The following DOCK10 variants were observed in gnomAD, a reference collection of about 807,000 sequenced individuals.
The protein encoded by DOCK10 is dedicator of cytokinesis protein 10.
DOCK10 carries 145 observed loss-of-function variants against 280.1 expected under a neutral mutation model. The observed-to-expected ratio is 0.52, with a 90% CI of 0.45 to 0.59. The LOEUF is 0.59. Among genes scored for constraint, DOCK10 ranks in the 20% least tolerant of loss-of-function variants. The pLI, the probability that DOCK10 is intolerant of heterozygous loss-of-function variation, is 0.00. For synonymous variants in DOCK10, 915 were observed against 942.2 expected (o/e 0.97, Z 0.53); for missense variants, 2,368 against 2,651.7 (o/e 0.89, Z 2.35).
intron 2 of DOCK10, among the ~76,000 whole-genome samples, chr2:224,918,775 GT>G (rs1701489875): frequency 8.9e-6 from 1 of 111,952 alleles, no homozygotes; most frequent in African/African-American, 2.8e-5. Context: ...TTGAGTGCAT[GT>G]GTATGTGTAA....
At chr2:224,892,242 C>CA (rs1390682769) in intron 4 of DOCK10, among the ~76,000 whole-genome samples, 1 of 150,756 alleles carries the variant, frequency 6.6e-6, no homozygotes, top group Admixed American at 6.6e-5. Context: ...ACTAAAAACA[C>CA]AAAAAAATTA....
intron 1 of DOCK10, among the ~76,000 whole-genome samples, chr2:224,941,444 C>T (rs1386329963): frequency 6.6e-6 from 1 of 152,174 alleles, no homozygotes; most frequent in East Asian, 1.9e-4. Context: ...TTCTGCTCCA[C>T]TTTTGAGTTT....
chr2:225,011,088 T>C (rs75071128), intron 1 of DOCK10, among the ~76,000 whole-genome samples: 2,090 of 152,344 alleles, frequency 0.014, 48 homozygotes, highest in African/African-American at 0.047. Flanking sequence ...ATGGAAAATA[T>C]TGATATGATA....
chr2:225,005,557 A>C, intron 1 of DOCK10, among the ~76,000 whole-genome samples: 1 of 152,228 alleles, frequency 6.6e-6, no homozygotes, highest in East Asian at 1.9e-4. Flanking sequence ...ATTTTAAACT[A>C]AAACTGTATT....
chr2:224,916,598 T>C, intron 3 of DOCK10, 97 bp downstream of exon 3: 2 of 798,642 alleles, frequency 2.5e-6, no homozygotes, highest in Non-Finnish European at 3.9e-6. Context: ...AATTATCTAT[T>C]GAAAATGACA....
intron 1 of DOCK10, among the ~76,000 whole-genome samples, chr2:224,936,840 A>G (rs544755107): frequency 6.6e-6 from 1 of 152,178 alleles, no homozygotes; most frequent in South Asian, 2.1e-4. Flanking sequence ...GGTTTCTCAA[A>G]ACTATCATAT....
chr2:225,018,356 T>C (rs915082486), intron 1 of DOCK10, among the ~76,000 whole-genome samples: 5 of 151,586 alleles, frequency 3.3e-5, no homozygotes, highest in African/African-American at 9.7e-5. Flanking sequence ...GGCCGAGTGA[T>C]ATGCGTAACG....
Position 225,042,300 on chromosome 2 carries a change from G to C in DOCK10, c.75C>G (p.Ser25Arg), listed in dbSNP as rs1255589155. Residue 25 changes from serine to arginine, a missense_variant, in exon 1 of 56, where the codon AGC (serine) becomes AGG (arginine). Ser to Arg is a moderately radical substitution (Grantham distance 110, BLOSUM62 -1). Transcript: ENST00000258390. This position sits in a 1 kb window ranked among gnomAD's most constrained non-coding sequence, Gnocchi z 5.1. ...CTGCCACCGCGGCGGCGGACGCGGC[G>C]CTGTGCCGGAGCTCGGCCGCCTGCC... ...RPGQAAELRH[S>R]AASAAAVAVS... The C allele has an allele frequency of 2.2e-6, 3 of 1,352,502 alleles. No individual in the cohort carries two copies. Among genetic ancestry groups the C allele is most frequent in the Non-Finnish European group, 2.9e-6 (3 of 1,048,986 alleles). The allele number at this position is 1,352,502 out of a possible 1,614,324, so 83.8% of individuals were successfully genotyped here.
At chr2:224,854,854 GCCAACCAA>G (rs72305904) in intron 16 of DOCK10, 101 bp downstream of exon 16, 168,423 of 629,398 alleles carry the variant, frequency 0.27, 30,306 homozygotes, top group African/African-American at 0.69. Flanking sequence ...CAACCAACTA[GCCAACCAA>G]CCAACCAACC....
chr2:224,937,410 G>A (rs577534445), intron 1 of DOCK10, among the ~76,000 whole-genome samples: 64 of 152,242 alleles, frequency 4.2e-4, no homozygotes, highest in African/African-American at 1.4e-3. Flanking sequence ...TACCCTACAT[G>A]TTTTACCCAA....
intron 1 of DOCK10, among the ~76,000 whole-genome samples, chr2:224,980,027 G>T (rs1705665839): frequency 6.6e-6 from 1 of 151,574 alleles, no homozygotes; most frequent in East Asian, 1.9e-4. Context: ...GAATAAAAAA[G>T]AAAAATCAAA....
intron 3 of DOCK10, among the ~76,000 whole-genome samples, chr2:224,899,425 A>C (rs1263065601): frequency 6.6e-6 from 1 of 152,242 alleles, no homozygotes; most frequent in Non-Finnish European, 1.5e-5. Flanking sequence ...GTTAACAAAA[A>C]ACAAAATTCC....
intron 27 of DOCK10, 34 bp downstream of exon 27, chr2:224,830,507 A>C (rs777763998): frequency 7.2e-5 from 83 of 1,149,902 alleles, no homozygotes; most frequent in Non-Finnish European, 9.0e-5. Context: ...AATATTGTAA[A>C]AATATTATAA....
chr2:224,827,262 CAAA>C (rs111476278), intron 27 of DOCK10, among the ~76,000 whole-genome samples: 76 of 110,046 alleles, frequency 6.9e-4, no homozygotes, highest in African/African-American at 1.1e-3. Context: ...AACTCCGTCT[CAAA>C]AAAAAAAAAA....
chr2:224,989,534 G>A (rs1413740381), intron 1 of DOCK10, among the ~76,000 whole-genome samples: 1 of 152,134 alleles, frequency 6.6e-6, no homozygotes, highest in Non-Finnish European at 1.5e-5. Context: ...ACCCAAAGGA[G>A]GAGAACACCT....
intron 1 of DOCK10, among the ~76,000 whole-genome samples, chr2:224,989,273 T>G (rs1347432412): frequency 1.3e-5 from 2 of 152,184 alleles, no homozygotes. Flanking sequence ...AAGTATTCTC[T>G]GTGGAGTCAT....
intron 1 of DOCK10, among the ~76,000 whole-genome samples, chr2:224,955,469 C>G (rs981054274): frequency 6.6e-6 from 1 of 152,168 alleles, no homozygotes; most frequent in South Asian, 2.1e-4. Flanking sequence ...TCTAGACCAA[C>G]AATTTATTGC....
At chr2:224,816,496 G>T in intron 30 of DOCK10, 121 bp downstream of exon 30, 1 of 691,628 alleles carries the variant, frequency 1.4e-6, no homozygotes, top group Non-Finnish European at 2.5e-6. Flanking sequence ...ATACCCATGT[G>T]ACAGCTTCAA....
At chr2:225,027,535 C>T (rs1443831734) in intron 1 of DOCK10, among the ~76,000 whole-genome samples, 4 of 152,100 alleles carry the variant, frequency 2.6e-5, no homozygotes, top group African/African-American at 7.2e-5. Context: ...TGGTTTAACA[C>T]CATCCGCCCT....
Sources: gnomAD v4.1 joint callset for allele counts (sites outside exome capture counted in the v4.1 genomes callset) on GRCh38, gnomAD v4.1.1 for gene constraint, Gnocchi (gnomAD v3.1) non-coding constraint, MANE v1.5 for transcripts, NCBI Gene and HGNC (gene_info 2026-07-23, HGNC 2026-07-21) for gene names.